The following TDRD9 variants were observed in gnomAD, a reference collection of about 807,000 sequenced individuals.
The protein encoded by TDRD9 is tudor domain containing 9, also known as ATP-dependent RNA helicase TDRD9.
Under a neutral mutation model 172.6 loss-of-function variants are expected in TDRD9, and 124 were observed. The ratio of observed to expected loss-of-function variants is 0.72; its 90% CI spans 0.62 to 0.83. The LOEUF is 0.83. Among genes scored for constraint, TDRD9 ranks in the 40% least tolerant of loss-of-function variants. The pLI is 0.00. For missense variants in TDRD9, 1,479 were observed against 1,714.1 expected, an observed-to-expected ratio of 0.86 and a Z score of 2.42; for synonymous variants, 619 against 617.1, an observed-to-expected ratio of 1.00 and a Z score of -0.05.
At chr14:104,027,464 A>G (rs889793430) in intron 28 of TDRD9, among the ~76,000 whole-genome samples, 19 of 152,230 alleles carry the variant, frequency 1.2e-4, no homozygotes, top group Admixed American at 9.8e-4. Flanking sequence ...AAATATTTCA[A>G]ATATTTCAAG....
chr14:103,970,541 G>A lies in TDRD9; in HGVS notation c.766G>A (p.Val256Ile), dbSNP rs373902320. ...MEFTHIIIDEVHERTEEMDFL... is the reference protein window; with the variant it reads ...MEFTHIIIDEIHERTEEMDFL... ...GGGTGCCCCCTTTTTTATTTTGTAG[G>A]TACACGAACGAACAGAAGAAATGGA... The change falls in exon 6 of 36, where the codon GTA (valine) becomes ATA (isoleucine). Residue 256 changes from valine to isoleucine, a missense_variant and splice_region_variant. Coordinates refer to ENST00000409874, the MANE Select transcript of TDRD9 (RefSeq NM_153046.3). The A allele has an allele frequency of 3.0e-5, 46 of 1,551,314 alleles. No individual in the cohort carries two copies. Among genetic ancestry groups the A allele is most frequent in the South Asian group, 8.3e-5 (7 of 84,014 alleles).
chr14:103,928,648 G>A lies in TDRD9; in HGVS notation c.139G>A (p.Ala47Thr). Residue 47 changes from alanine (A) to threonine (T), a missense_variant, in exon 1 of 36, where the codon GCC (alanine) becomes ACC (threonine). Transcript: ENST00000409874. ...AREEVQRQDV[A>T]PGAGPAAQAP... ...GGAGGAGGTGCAGCGCCAGGACGTGGCCCCCGGCGCTGGTCCCGCGGCCCA... is the reference window on the plus strand; with the variant it reads ...GGAGGAGGTGCAGCGCCAGGACGTGACCCCCGGCGCTGGTCCCGCGGCCCA... 1.6e-6 allele frequency: 2 copies of A among 1,255,522 alleles called. No individual in the cohort carries two copies. Among genetic ancestry groups the A allele is most frequent in the Non-Finnish European group, 2.0e-6 (2 of 988,356 alleles). The allele number at this position is 1,255,522 out of a possible 1,614,324, so 77.8% of individuals were successfully genotyped here.
intron 13 of TDRD9, among the ~76,000 whole-genome samples, chr14:103,999,810 C>T (rs1454885828): frequency 6.6e-6 from 1 of 151,972 alleles, no homozygotes; most frequent in Non-Finnish European, 1.5e-5. Context: ...TGTGAGGTAA[C>T]GTACATGGTG....
intron 1 of TDRD9, chr14:103,940,902 G>A (rs758168162): frequency 6.5e-7 from 1 of 1,535,186 alleles, no homozygotes; most frequent in South Asian, 1.2e-5. Context: ...TGGAAATGGT[G>A]GGTATTTCAT....
chr14:103,952,770 A>C (rs1458191405), intron 1 of TDRD9, among the ~76,000 whole-genome samples: 1 of 96,236 alleles, frequency 1.0e-5, no homozygotes, highest in Non-Finnish European at 1.9e-5. Flanking sequence ...ACAGAGTCTC[A>C]CTCTGTCGCC....
chr14:103,952,800 G>A (rs2032006536), intron 1 of TDRD9, among the ~76,000 whole-genome samples: 1 of 135,928 alleles, frequency 7.4e-6, no homozygotes, highest in Non-Finnish European at 1.5e-5. Flanking sequence ...GTGCAGTGGT[G>A]CGATCTTGGT....
chr14:104,045,177 T>G (rs2035731256), intron 34 of TDRD9, among the ~76,000 whole-genome samples: 2 of 151,886 alleles, frequency 1.3e-5, no homozygotes, highest in African/African-American at 2.4e-5. Context: ...CCAAACTGTT[T>G]TCCAAAATAG....
chr14:103,946,979 T>G (rs1222436966), intron 1 of TDRD9, among the ~76,000 whole-genome samples: 1 of 152,180 alleles, frequency 6.6e-6, no homozygotes, highest in Non-Finnish European at 1.5e-5. Flanking sequence ...GATCTACAGA[T>G]TCAATGCAAT....
intron 6 of TDRD9, among the ~76,000 whole-genome samples, chr14:103,972,280 C>T (rs2033066671): frequency 6.6e-6 from 1 of 151,764 alleles, no homozygotes; most frequent in Non-Finnish European, 1.5e-5. Context: ...GCACTCCAGC[C>T]TGGGCAACAG....
rs553494894 is a variant in TDRD9 at position 104,024,565 on chromosome 14, G to T, written c.2607-4G>T. ...TTATTTTAATAAAAATTCGTATTAT[G>T]TAGGGTGAATGTGGACTTCCAGAAG... On this transcript the variant is annotated splice_region_variant and splice_polypyrimidine_tract_variant and intron_variant, in intron 24 of 35. Coordinates refer to ENST00000409874, the MANE Select transcript of TDRD9 (RefSeq NM_153046.3). The T allele has an allele frequency of 1.3e-6, 2 of 1,569,604 alleles. No individual in the cohort carries two copies. The highest frequency in any genetic ancestry group is 3.6e-5 in the Admixed American group (2 of 55,708).
In TDRD9 at chr14:103,980,502, C is replaced by A. The variant is rs2152178127; in HGVS notation, c.1011+4949C>A. 6.6e-6 allele frequency among the ~76,000 whole-genome samples: 1 copy of A among 152,288 alleles called. No homozygotes were observed. The highest frequency in any genetic ancestry group is 2.1e-4 in the South Asian group (1 of 4,828). On this transcript the variant is annotated intron_variant, in intron 7 of 35. Coordinates refer to ENST00000409874, the MANE Select transcript of TDRD9 (RefSeq NM_153046.3). This position sits in a 1 kb window ranked among gnomAD's most constrained non-coding sequence, Gnocchi z 4.5. ...ACTTTCACTAACTTGCCACTGCTATCTAAAAGGCAGAGCCAGGTGTACAGG... is the reference window on the plus strand; with the variant it reads ...ACTTTCACTAACTTGCCACTGCTATATAAAAGGCAGAGCCAGGTGTACAGG...
intron 4 of TDRD9, 35 bp downstream of exon 4, chr14:103,965,589 C>T: frequency 6.7e-7 from 1 of 1,502,442 alleles, no homozygotes; most frequent in South Asian, 1.2e-5. Context: ...CTAAGAGAGC[C>T]AGCTGTCTCT....
intron 1 of TDRD9, among the ~76,000 whole-genome samples, chr14:103,953,727 TGA>T (rs1308929714): frequency 2.0e-5 from 3 of 152,098 alleles, no homozygotes; most frequent in African/African-American, 7.2e-5. Flanking sequence ...TCTCGGAGCC[TGA>T]GGGTCTGAGA....
rs944121603 is a variant in TDRD9, at chr14:104,006,667, A to T, written c.1901A>T (p.Asn634Ile). ...TTAGCGGCAGCTCTTTCTTTGAAGAATTTTTTTGCAATGCCTTTCCGGCAG... is the reference window on the plus strand; with the variant it reads ...TTAGCGGCAGCTCTTTCTTTGAAGATTTTTTTTGCAATGCCTTTCCGGCAG... ...LIIAAALSLK[N>I]FFAMPFRQHL... is the part of the protein sequence containing the mutation. Residue 634 changes from asparagine to isoleucine, a missense_variant, in exon 17 of 36, where the codon AAT becomes ATT. Around this residue, in one of 3 missense-constraint regions of TDRD9, gnomAD observed 1,413 missense variants for 1,649.1 expected, o/e 0.86. Coordinates refer to ENST00000409874, the MANE Select transcript of TDRD9 (RefSeq NM_153046.3). 1 of 1,613,720 alleles carries T rather than the reference A, an allele frequency of 6.2e-7. No homozygotes were observed. Among genetic ancestry groups the T allele is most frequent in the South Asian group, 1.1e-5 (1 of 91,060 alleles).
intron 2 of TDRD9, among the ~76,000 whole-genome samples, chr14:103,960,637 C>G (rs1397317020): frequency 1.3e-5 from 2 of 152,134 alleles, no homozygotes; most frequent in Admixed American, 6.5e-5. Context: ...TTCCTGTCTG[C>G]CCTTTGGCAG....
intron 11 of TDRD9, among the ~76,000 whole-genome samples, chr14:103,994,843 T>C (rs551376342): frequency 6.6e-6 from 1 of 151,770 alleles, no homozygotes; most frequent in African/African-American, 2.4e-5. Flanking sequence ...TAGTCCCAGC[T>C]ACTTGGGAGG....
At chr14:103,933,250 A>G (rs1050608866) in intron 1 of TDRD9, among the ~76,000 whole-genome samples, 4 of 152,230 alleles carry the variant, frequency 2.6e-5, no homozygotes, top group African/African-American at 9.6e-5. Context: ...AGCATTCTCC[A>G]GTGTGTAGCA....
Position 103,980,947 on chromosome 14 carries a change from C to T in TDRD9, c.1012-5270C>T, listed in dbSNP as rs538857623. Among the ~76,000 whole-genome samples, 17 of 151,732 alleles carry T rather than the reference C, an allele frequency of 1.1e-4. No individual in the cohort carries two copies. Among genetic ancestry groups the T allele is most frequent in the East Asian group, 9.6e-4 (5 of 5,188 alleles). Reference sequence around the variant, plus strand: ...TTTTTCCTAGGTTATGATTGTAGAGCGAGAATTATTATAATATTGGAATAA... The same window carrying T: ...TTTTTCCTAGGTTATGATTGTAGAGTGAGAATTATTATAATATTGGAATAA... On this transcript the variant is annotated intron_variant, in intron 7 of 35. Transcript: ENST00000409874. This position sits in a 1 kb window ranked among gnomAD's most constrained non-coding sequence, Gnocchi z 4.5.
At position 104,016,075 on chromosome 14, in the gene TDRD9, A is replaced by G. The variant is rs758050997; in HGVS notation, c.2318A>G (p.Lys773Arg). ...AVRELAGKDP[K>R]TTVVLKHIPP... ...AGGGAGCTGGCTGGCAAGGACCCCAAGACAACTGTCGTGGTAGGTGCTGGG... is the reference window on the plus strand; with the variant it reads ...AGGGAGCTGGCTGGCAAGGACCCCAGGACAACTGTCGTGGTAGGTGCTGGG... Residue 773 changes from lysine to arginine, a missense_variant, in exon 22 of 36, where the codon AAG (lysine) becomes AGG (arginine). Physicochemically the swap from Lys to Arg is conservative, Grantham distance 26. Around this residue, in one of 3 missense-constraint regions of TDRD9, gnomAD observed 1,413 missense variants for 1,649.1 expected, o/e 0.86. Coordinates refer to ENST00000409874, the MANE Select transcript of TDRD9 (RefSeq NM_153046.3). The G allele has an allele frequency of 1.7e-5, 27 of 1,601,606 alleles. No individual in the cohort carries two copies. Among genetic ancestry groups the G allele is most frequent in the Non-Finnish European group, 2.0e-5 (23 of 1,174,186 alleles).
Sources: gnomAD v4.1 joint callset for allele counts (sites outside exome capture counted in the v4.1 genomes callset) on GRCh38, gnomAD v4.1.1 for gene constraint, gnomAD v4.1.1 regional missense constraint, Gnocchi (gnomAD v3.1) non-coding constraint, MANE v1.5 for transcripts, NCBI Gene and HGNC (gene_info 2026-07-23, HGNC 2026-07-21) for gene names.